Variants in TANC1 observed in about 807,000 individuals in gnomAD.
TANC1 encodes tetratricopeptide repeat, ankyrin repeat and coiled-coil containing 1, also known as protein TANC1.
In TANC1, 77 loss-of-function variants were observed where a neutral mutation model predicts 149.7. The ratio of observed to expected loss-of-function variants is 0.51; its 90% CI spans 0.43 to 0.62. The LOEUF is 0.62. Ranked by LOEUF, TANC1 falls within the 20% of genes least tolerant of loss-of-function variation. The pLI is 0.00. For missense variants in TANC1, 1,985 were observed against 2,321.8 expected (o/e 0.85, Z 2.98); for synonymous variants, 854 against 925.0 (o/e 0.92, Z 1.39).
intron 2 of TANC1, among the ~76,000 whole-genome samples, chr2:159,014,248 G>A (rs944748912): frequency 1.4e-4 from 21 of 152,174 alleles, no homozygotes; most frequent in Non-Finnish European, 4.4e-5. Flanking sequence ...AATCATGGCA[G>A]AAGGCAAGGA....
intron 4 of TANC1, among the ~76,000 whole-genome samples, chr2:159,123,883 T>C (rs10211560): frequency 0.89 from 135,150 of 152,156 alleles, 60,805 homozygotes; most frequent in Non-Finnish European, 0.93. Flanking sequence ...GACGCCAGTC[T>C]CCCCTCGTGC....
rs780310548 is a variant in TANC1 at position 159,229,563 on chromosome 2, C to T, written c.4152-15C>T. ...GTGTGTGGTTTGTAATGTTACCTTACATTTTCCTACAAAGGCAATTCGTGG... is the reference window on the plus strand; with the variant it reads ...GTGTGTGGTTTGTAATGTTACCTTATATTTTCCTACAAAGGCAATTCGTGG... On this transcript the variant is annotated splice_polypyrimidine_tract_variant and intron_variant, in intron 26 of 26. Coordinates refer to ENST00000263635, the MANE Select transcript of TANC1 (RefSeq NM_033394.3). The T allele has an allele frequency of 1.5e-5, 24 of 1,597,708 alleles. No homozygotes were observed. The Admixed American group carries it at 3.8e-4, about 25-fold the overall frequency.
At chr2:158,997,578 T>G (rs967482915) in intron 1 of TANC1, among the ~76,000 whole-genome samples, 1 of 152,154 alleles carries the variant, frequency 6.6e-6, no homozygotes, top group South Asian at 2.1e-4. Flanking sequence ...TGGGGCATCT[T>G]GCATTGTCAG....
intron 8 of TANC1, among the ~76,000 whole-genome samples, chr2:159,164,649 T>C (rs753910377): frequency 2.3e-4 from 35 of 152,248 alleles, no homozygotes; most frequent in African/African-American, 5.5e-4. Flanking sequence ...ATTTCTCTTC[T>C]ACTACTGCAG....
intron 2 of TANC1, among the ~76,000 whole-genome samples, chr2:159,047,933 G>C (rs538034535): frequency 2.0e-5 from 3 of 152,150 alleles, no homozygotes; most frequent in Non-Finnish European, 4.4e-5. Flanking sequence ...CAACACATTA[G>C]TGACCATTTC....
At chr2:159,119,866 T>C (rs972583407) in intron 4 of TANC1, among the ~76,000 whole-genome samples, 4 of 152,200 alleles carry the variant, frequency 2.6e-5, no homozygotes, top group African/African-American at 9.6e-5. Context: ...CTGCTGCGCT[T>C]GATGTTTGCA....
rs761819583 is a variant in TANC1, at chr2:159,170,526, C to T, written c.1072C>T (p.Arg358Ter). The T allele has an allele frequency of 3.8e-6, 6 of 1,578,442 alleles. No homozygotes were observed. The highest frequency in any genetic ancestry group is 5.2e-6 in the Non-Finnish European group (6 of 1,161,682). ...AGGRAQEVKA[R>*]FAPYKPQDIL... Reference sequence around the variant, plus strand: ...AATTTTTTTTTCTTCTTTTGAAGCACGATTTGCTCCCTACAAGCCACAAGA... The same window carrying T: ...AATTTTTTTTTCTTCTTTTGAAGCATGATTTGCTCCCTACAAGCCACAAGA... The change falls in exon 10 of 27, where the codon CGA (arginine) becomes TGA (stop). Residue 358 changes from arginine (R) to a stop codon, truncating the protein, a stop_gained and splice_region_variant. Coordinates refer to ENST00000263635, the MANE Select transcript of TANC1 (RefSeq NM_033394.3). LOFTEE classifies it high-confidence loss of function.
chr2:159,154,312 G>A (rs1406497399), intron 7 of TANC1, among the ~76,000 whole-genome samples: 2 of 152,188 alleles, frequency 1.3e-5, no homozygotes, highest in Non-Finnish European at 2.9e-5. Flanking sequence ...CATCATGTTG[G>A]TTATATTTAA....
At chr2:159,207,099 T>G (rs1005346427) in intron 19 of TANC1, among the ~76,000 whole-genome samples, 1 of 152,204 alleles carries the variant, frequency 6.6e-6, no homozygotes, top group East Asian at 1.9e-4. Context: ...GAGACTTACT[T>G]GAAATGATGC....
At chr2:159,183,049 C>A (rs1472898099) in intron 14 of TANC1, among the ~76,000 whole-genome samples, 1 of 152,120 alleles carries the variant, frequency 6.6e-6, no homozygotes, top group Non-Finnish European at 1.5e-5. Flanking sequence ...AAAGAGCTGG[C>A]AGAAGGGAGT....
intron 20 of TANC1, among the ~76,000 whole-genome samples, 188 bp from the exon 21 acceptor site, chr2:159,219,050 T>C (rs1255496726): frequency 6.6e-6 from 1 of 152,218 alleles, no homozygotes; most frequent in Non-Finnish European, 1.5e-5. Flanking sequence ...AAAGAGTGCA[T>C]ATTTTGGAAA....
chr2:159,045,083 AG>A (rs2040936017), intron 2 of TANC1, among the ~76,000 whole-genome samples: 1 of 152,250 alleles, frequency 6.6e-6, no homozygotes, highest in African/African-American at 2.4e-5. Flanking sequence ...AACTAGAATT[AG>A]GGGGAGGAGG....
intron 4 of TANC1, among the ~76,000 whole-genome samples, chr2:159,122,938 G>A (rs765181322): frequency 9.9e-5 from 15 of 152,126 alleles, no homozygotes; most frequent in Non-Finnish European, 1.8e-4. Context: ...CATTGTCCAA[G>A]CTGGCCCTTT....
chr2:159,068,661 A>C (rs1009363364), intron 3 of TANC1, among the ~76,000 whole-genome samples: 28 of 152,206 alleles, frequency 1.8e-4, no homozygotes, highest in Non-Finnish European at 3.2e-4. Context: ...TATAGGTAAA[A>C]CTTTAGCAGG....
intron 2 of TANC1, among the ~76,000 whole-genome samples, chr2:159,026,659 C>A (rs2149457425): frequency 6.6e-6 from 1 of 152,240 alleles, no homozygotes; most frequent in African/African-American, 2.4e-5. Flanking sequence ...CTCAGAGTAT[C>A]CTGAGCCTGG....
chr2:159,198,297 A>G (rs1320183277), intron 18 of TANC1, among the ~76,000 whole-genome samples: 2 of 152,184 alleles, frequency 1.3e-5, no homozygotes, highest in South Asian at 2.1e-4. Context: ...GGCTTTGAAG[A>G]TTGGGATGTA....
intron 3 of TANC1, among the ~76,000 whole-genome samples, chr2:159,093,744 C>T (rs984648047): frequency 3.9e-5 from 6 of 152,060 alleles, no homozygotes; most frequent in Admixed American, 3.3e-4. Context: ...CCCCCTCCCC[C>T]TCCCTCTTCT....
chr2:159,057,106 TG>T (rs1446553477), intron 2 of TANC1, among the ~76,000 whole-genome samples: 2 of 152,290 alleles, frequency 1.3e-5, no homozygotes, highest in South Asian at 4.1e-4. Context: ...TTATTGTTTT[TG>T]GTTTTTCTGA....
At chr2:159,040,497 A>G (rs544457360) in intron 2 of TANC1, among the ~76,000 whole-genome samples, 25 of 152,082 alleles carry the variant, frequency 1.6e-4, no homozygotes, top group African/African-American at 5.8e-4. Context: ...TTCTCGCTTC[A>G]TTTCATTCAT....
Sources: gnomAD v4.1 joint callset for allele counts (sites outside exome capture counted in the v4.1 genomes callset) on GRCh38, gnomAD v4.1.1 for gene constraint, MANE v1.5 for transcripts, NCBI Gene and HGNC (gene_info 2026-07-23, HGNC 2026-07-21) for gene names.